VWA8: variants seen among roughly 807,000 people sequenced by gnomAD.
VWA8 encodes the protein von Willebrand factor A domain-containing protein 8.
A neutral mutation model predicts 241.5 loss-of-function variants in VWA8; 221 were observed. The ratio of observed to expected loss-of-function variants is 0.91; its 90% confidence interval spans 0.82 to 1.02. The LOEUF (loss-of-function observed/expected upper bound fraction) is 1.02. Ranked by LOEUF, VWA8 falls within the 50% of genes least tolerant of loss-of-function variation. The pLI, the probability that VWA8 is intolerant of heterozygous loss-of-function variation, is 0.00. For missense variants in VWA8, 2,322 were observed against 2,328.7 expected, an observed-to-expected ratio of 1.00 and a Z score of 0.06; for synonymous variants, 852 against 827.1, an observed-to-expected ratio of 1.03 and a Z score of -0.52.
At chr13:41,737,401 A>C (rs2045534141) in intron 21 of VWA8, among the ~76,000 whole-genome samples, 2 of 152,264 alleles carry the variant, frequency 1.3e-5, no homozygotes, top group South Asian at 4.1e-4. Flanking sequence ...CAAGTTTAAG[A>C]ATCACTTGAT....
At chr13:41,694,882 A>G (rs1479728128) in intron 29 of VWA8, among the ~76,000 whole-genome samples, 1 of 152,174 alleles carries the variant, frequency 6.6e-6, no homozygotes, top group Non-Finnish European at 1.5e-5. Context: ...GCATAAGTGA[A>G]CTGAAAAACT....
At chr13:41,841,160 C>T (rs1871980365) in intron 12 of VWA8, among the ~76,000 whole-genome samples, 2 of 152,146 alleles carry the variant, frequency 1.3e-5, no homozygotes, top group Admixed American at 1.3e-4. Flanking sequence ...ATAAATTTCA[C>T]TAAAAGAAAT....
At chr13:41,787,588 G>C (rs1425690979) in intron 17 of VWA8, 45 bp from the exon 18 acceptor site, 1 of 1,136,426 alleles carries the variant, frequency 8.8e-7, no homozygotes, top group Non-Finnish European at 1.3e-6. Context: ...TTAAGTCAAA[G>C]CTTTCTGCGA....
chr13:41,848,944 T>C (rs1872406147), intron 12 of VWA8, among the ~76,000 whole-genome samples: 1 of 152,156 alleles, frequency 6.6e-6, no homozygotes, highest in South Asian at 2.1e-4. Context: ...TTAACAGCAG[T>C]CAATAGAGTG....
intron 37 of VWA8, among the ~76,000 whole-genome samples, chr13:41,629,007 C>T (rs1306294372): frequency 2.0e-5 from 3 of 152,082 alleles, no homozygotes; most frequent in South Asian, 2.1e-4. Context: ...CACCACTGCA[C>T]TCCAGTCTGG....
At chr13:41,876,307 A>G (rs904782877) in intron 9 of VWA8, among the ~76,000 whole-genome samples, 1 of 152,084 alleles carries the variant, frequency 6.6e-6, no homozygotes, top group Non-Finnish European at 1.5e-5. Flanking sequence ...TGAAAGCAGA[A>G]GTCCTTTCCA....
chr13:41,807,684 A>C (rs1315594239), intron 17 of VWA8: 2 of 152,394 alleles, frequency 1.3e-5, no homozygotes, highest in East Asian at 3.9e-4. Context: ...ATAGCTGGGC[A>C]CAGTGGTGCA....
chr13:41,599,003 A>G (rs936613631), intron 40 of VWA8, among the ~76,000 whole-genome samples: 3 of 152,084 alleles, frequency 2.0e-5, no homozygotes, highest in Non-Finnish European at 4.4e-5. Context: ...AATATTTTTC[A>G]GTGGCCTCCT....
At chr13:41,809,962 G>T (rs1488269703) in intron 17 of VWA8, among the ~76,000 whole-genome samples, 1 of 152,070 alleles carries the variant, frequency 6.6e-6, no homozygotes, top group Non-Finnish European at 1.5e-5. Flanking sequence ...TTTCTCAAAA[G>T]AAGAGATACA....
intron 10 of VWA8, among the ~76,000 whole-genome samples, chr13:41,867,130 G>A (rs1033867220): frequency 3.3e-5 from 5 of 152,176 alleles, no homozygotes; most frequent in African/African-American, 1.2e-4. Flanking sequence ...CATTACCAAA[G>A]GGAAGCAAAT....
intron 37 of VWA8, among the ~76,000 whole-genome samples, chr13:41,628,482 A>G (rs963897475): frequency 4.6e-5 from 7 of 152,234 alleles, no homozygotes; most frequent in African/African-American, 1.2e-4. Flanking sequence ...ATGTGCATGT[A>G]TGCTTATTGT....
At chr13:41,879,382 TACACACAC>T (rs3073827) in intron 9 of VWA8, among the ~76,000 whole-genome samples, 128 of 140,886 alleles carry the variant, frequency 9.1e-4, no homozygotes, top group Non-Finnish European at 1.3e-3. Context: ...CATACACACA[TACACACAC>T]ACACACACAC....
chr13:41,815,621 C>T lies in VWA8; in HGVS notation c.1947+1077G>A, dbSNP rs568649300. Among the ~76,000 whole-genome samples, 7 of 152,288 alleles carry T rather than the reference C, an allele frequency of 4.6e-5. 1 individual carries two copies. Among genetic ancestry groups the T allele is most frequent in the African/African-American group, 1.7e-4 (7 of 41,572 alleles). On this transcript the variant is annotated intron_variant, in intron 16 of 44. Transcript: ENST00000379310. ...GGAATAGATTCTCCCCTGGAGCCTC[C>T]GATGGAGTGCAGCCTTGCTGACACT...
intron 2 of VWA8, among the ~76,000 whole-genome samples, chr13:41,947,012 G>A (rs1877880834): frequency 6.6e-6 from 1 of 152,146 alleles, no homozygotes; most frequent in Non-Finnish European, 1.5e-5. Context: ...TCGTCAGCAA[G>A]AATTTTGTTA....
intron 21 of VWA8, among the ~76,000 whole-genome samples, chr13:41,747,863 T>C (rs2137887726): frequency 1.3e-5 from 2 of 152,334 alleles, no homozygotes; most frequent in African/African-American, 4.8e-5. Flanking sequence ...AATCATGTGA[T>C]TTTTGTTTTT....
chr13:41,752,887 T>A (rs2045666800), intron 21 of VWA8, among the ~76,000 whole-genome samples: 1 of 152,060 alleles, frequency 6.6e-6, no homozygotes, highest in Non-Finnish European at 1.5e-5. Context: ...GAAGACTGGA[T>A]TTGATCTCTA....
intron 12 of VWA8, among the ~76,000 whole-genome samples, chr13:41,856,641 C>G (rs1376807331): frequency 2.6e-5 from 4 of 151,892 alleles, no homozygotes; most frequent in African/African-American, 9.7e-5. Flanking sequence ...AGCAACATGG[C>G]AAAACCCCAT....
At chr13:41,949,021 T>C (rs1877991865) in intron 2 of VWA8, among the ~76,000 whole-genome samples, 1 of 67,522 alleles carries the variant, frequency 1.5e-5, no homozygotes, top group Non-Finnish European at 2.8e-5. Flanking sequence ...GCAAAACTAA[T>C]CTACCATCAT....
rs374212684 is a variant in VWA8, at chr13:41,587,606, T to G, written c.5177A>C (p.Tyr1726Ser). The change falls in exon 42 of 45, where the codon TAC becomes TCC. Residue 1726 changes from tyrosine (Y) to serine (S), a missense_variant. By Grantham distance (144) the Tyr-to-Ser change is moderately radical (BLOSUM62 -2). Coordinates refer to ENST00000379310, the MANE Select transcript of VWA8 (RefSeq NM_015058.2). Reference sequence around the variant, plus strand: ...CCGGCCATCCATCCTGTTGAAACGGTACATGCTACCAGACACATCTACCAC... The same window carrying G: ...CCGGCCATCCATCCTGTTGAAACGGGACATGCTACCAGACACATCTACCAC... ...RLVVDVSGSM[Y>S]RFNRMDGRLE... 4 of 1,614,062 alleles carry G rather than the reference T, an allele frequency of 2.5e-6. No individual in the cohort carries two copies. The African/African-American group carries it at 5.3e-5, about 22-fold the overall frequency.
Sources: gnomAD v4.1 joint callset for allele counts (sites outside exome capture counted in the v4.1 genomes callset) on GRCh38, gnomAD v4.1.1 for gene constraint, MANE v1.5 for transcripts, NCBI Gene and HGNC (gene_info 2026-07-23, HGNC 2026-07-21) for gene names.